Variants in ATG10 observed in about 807,000 individuals in gnomAD.
ATG10 encodes the protein autophagy related 10.
Under a neutral mutation model 32.1 loss-of-function variants are expected in ATG10, and 30 were observed. The ratio of observed to expected loss-of-function variants is 0.94; its 90% confidence interval spans 0.70 to 1.27. ATG10 has a LOEUF of 1.27. Among genes scored for constraint, ATG10 ranks in the 50% most tolerant of loss-of-function variants. The pLI is 0.00. For synonymous variants in ATG10, 87 were observed against 91.5 expected (o/e 0.95, Z 0.28); for missense variants, 233 against 262.3 (o/e 0.89, Z 0.77).
chr5:82,164,438 G>A lies in ATG10; in HGVS notation c.256G>A (p.Glu86Lys), dbSNP rs371715035. 8 of 1,613,732 alleles carry A rather than the reference G, an allele frequency of 5.0e-6. No homozygotes were observed. The highest frequency in any genetic ancestry group is 1.6e-4 in the Middle Eastern group (1 of 6,080). Reference sequence around the variant, plus strand: ...ACCCTTGGATGATTGTGAAGTGATTGAAACTGCAGCAGCGTCCGAAGTGAT... The same window carrying A: ...ACCCTTGGATGATTGTGAAGTGATTAAAACTGCAGCAGCGTCCGAAGTGAT... Reference protein sequence around the residue: ...ELPLDDCEVIETAAASEVIKY... With the variant: ...ELPLDDCEVIKTAAASEVIKY... The change falls in exon 4 of 8, where the codon GAA (glutamate) becomes AAA (lysine). Residue 86 changes from glutamate (E) to lysine (K), a missense_variant. Physicochemically the swap from Glu to Lys is moderately conservative, Grantham distance 56. Transcript: ENST00000282185.
chr5:82,156,250 T>A (rs901743279), intron 3 of ATG10, among the ~76,000 whole-genome samples: 3 of 152,032 alleles, frequency 2.0e-5, no homozygotes, highest in African/African-American at 7.3e-5. Context: ...GTTTCCTGAC[T>A]TTATAATTCC....
At chr5:82,149,603 T>C (rs1237106797) in intron 3 of ATG10, among the ~76,000 whole-genome samples, 2 of 55,592 alleles carry the variant, frequency 3.6e-5, no homozygotes, top group African/African-American at 1.3e-4. Context: ...TTCACTGTTT[T>C]GTTTATAAAT....
intron 2 of ATG10, among the ~76,000 whole-genome samples, chr5:82,034,511 G>A (rs1015288727): frequency 6.6e-6 from 1 of 152,134 alleles, no homozygotes; most frequent in Admixed American, 6.5e-5. Flanking sequence ...CTTTTAAAAT[G>A]TGAGTTCAGT....
intron 5 of ATG10, among the ~76,000 whole-genome samples, chr5:82,199,997 A>G (rs1745002652): frequency 6.6e-6 from 1 of 152,122 alleles, no homozygotes; most frequent in East Asian, 1.9e-4. Context: ...GTAGTATTCC[A>G]TTGTATGAAT....
intron 3 of ATG10, among the ~76,000 whole-genome samples, chr5:82,081,241 G>C (rs1194635783): frequency 6.6e-6 from 1 of 152,214 alleles, no homozygotes; most frequent in African/African-American, 2.4e-5. Context: ...TTGCTTATCA[G>C]CTTAAGGAGA....
At chr5:82,069,981 G>A (rs563256830) in intron 3 of ATG10, among the ~76,000 whole-genome samples, 96 of 152,318 alleles carry the variant, frequency 6.3e-4, no homozygotes, top group Middle Eastern at 3.4e-3. Context: ...TATGGTGCCT[G>A]CGAATTTGCT....
chr5:82,255,229 T>C lies in ATG10; in HGVS notation c.*1166T>C, dbSNP rs1747422128. 6.6e-6 allele frequency: 1 copy of C among 152,168 alleles called. No individual in the cohort carries two copies. Among genetic ancestry groups the C allele is most frequent in the Admixed American group, 6.6e-5 (1 of 15,266 alleles). The allele number at this position is 152,168 out of a possible 1,614,324, so 9.4% of individuals were successfully genotyped here. ...GAAACTAACAAGCTACCTCATAGGGTTGCTGTGAGAACCACATGAGATCAT... is the reference window on the plus strand; with the variant it reads ...GAAACTAACAAGCTACCTCATAGGGCTGCTGTGAGAACCACATGAGATCAT... On this transcript the variant is annotated 3_prime_UTR_variant, in exon 8 of 8. Transcript: ENST00000282185.
chr5:82,058,490 C>T lies in ATG10; in HGVS notation c.109-5C>T. 2 of 1,602,506 alleles carry T rather than the reference C, an allele frequency of 1.2e-6. No individual in the cohort carries two copies. Among genetic ancestry groups the T allele is most frequent in the Non-Finnish European group, 1.7e-6 (2 of 1,171,690 alleles). ...TCTTATATATTTTTTGGTGATGAAA[C>T]ACAGGACTGTTCTGATGGCTACATG... On this transcript the variant is annotated splice_region_variant and splice_polypyrimidine_tract_variant and intron_variant, in intron 2 of 7. Coordinates refer to ENST00000282185, the MANE Select transcript of ATG10 (RefSeq NM_031482.5).
At chr5:82,031,996 G>T (rs1762755092) in intron 2 of ATG10, among the ~76,000 whole-genome samples, 1 of 152,226 alleles carries the variant, frequency 6.6e-6, no homozygotes, top group Admixed American at 6.5e-5. Context: ...GCAGGGCTGG[G>T]CCTGCCCAGA....
chr5:82,049,059 A>C (rs1310915853), intron 2 of ATG10, among the ~76,000 whole-genome samples: 2 of 151,454 alleles, frequency 1.3e-5, no homozygotes, highest in African/African-American at 4.9e-5. Flanking sequence ...TATATACCCA[A>C]AGGACTATAA....
intron 1 of ATG10, among the ~76,000 whole-genome samples, chr5:81,978,490 T>A (rs1236907900): frequency 6.6e-6 from 1 of 152,210 alleles, no homozygotes. Flanking sequence ...TACTACCCAC[T>A]GTTCAAAGGC....
intron 3 of ATG10, among the ~76,000 whole-genome samples, chr5:82,122,573 C>G (rs1387888578): frequency 6.6e-6 from 1 of 152,304 alleles, no homozygotes; most frequent in East Asian, 1.9e-4. Context: ...AACAGACAAC[C>G]TACAGAATGG....
chr5:82,049,899 T>C (rs779145040), intron 2 of ATG10, among the ~76,000 whole-genome samples: 1 of 152,192 alleles, frequency 6.6e-6, no homozygotes, highest in Admixed American at 6.6e-5. Context: ...GAACTGTTAC[T>C]TTTTCTTTCA....
In ATG10 at chr5:81,972,038, C is replaced by G. The variant is rs576042909; in HGVS notation, c.-281C>G. 1.3e-5 allele frequency: 2 copies of G among 152,094 alleles called. No individual in the cohort carries two copies. Among genetic ancestry groups the G allele is most frequent in the East Asian group, 3.9e-4 (2 of 5,178 alleles). 9.4% of individuals were successfully genotyped at this position (152,094 alleles called of 1,614,324 possible). A position where few individuals can be genotyped will look rare whatever the true frequency, so the allele number is the denominator to read the frequency against. On this transcript the variant is annotated 5_prime_UTR_variant, in exon 1 of 8. Coordinates refer to ENST00000282185, the MANE Select transcript of ATG10 (RefSeq NM_031482.5). ...GCGGGAAGGCGCAGTGCGCACGCTC[C>G]GACTCGGCCGTGGCGGACCTGACTG...
rs12109056 is a variant in ATG10 at position 81,982,833 on chromosome 5, A to C, written c.-12-4726A>C. On this transcript the variant is annotated intron_variant, in intron 1 of 7. Transcript: ENST00000282185. ...ATCTTGCACCGCCCTTAATCCATTT[A>C]ACCCCGAGTGGACACAGCACATGTT... is the stretch of plus-strand genomic sequence containing the variant. Among the ~76,000 whole-genome samples, 995 of 152,346 alleles carry C rather than the reference A, an allele frequency of 6.5e-3. 9 individuals carry two copies. Among genetic ancestry groups the C allele is most frequent in the African/African-American group, 0.022 (935 of 41,570 alleles).
chr5:82,180,046 C>T (rs991674472), intron 5 of ATG10, among the ~76,000 whole-genome samples: 1 of 152,234 alleles, frequency 6.6e-6, no homozygotes, highest in East Asian at 1.9e-4. Context: ...TTCCTCTCTG[C>T]CCCTTACCTG....
intron 5 of ATG10, among the ~76,000 whole-genome samples, chr5:82,199,627 G>A (rs990918128): frequency 1.3e-5 from 2 of 152,040 alleles, no homozygotes; most frequent in Non-Finnish European, 2.9e-5. Context: ...AACTTGCTCC[G>A]GTTTATTCAT....
chr5:82,103,494 T>A (rs1765346011), intron 3 of ATG10, among the ~76,000 whole-genome samples: 1 of 152,118 alleles, frequency 6.6e-6, no homozygotes, highest in Non-Finnish European at 1.5e-5. Context: ...TTTCTACCAC[T>A]TACCTGGGGC....
At chr5:82,060,119 A>G (rs1763719722) in intron 3 of ATG10, among the ~76,000 whole-genome samples, 1 of 152,208 alleles carries the variant, frequency 6.6e-6, no homozygotes, top group African/African-American at 2.4e-5. Context: ...AGATGTGCAC[A>G]TACTATGAAT....
Sources: gnomAD v4.1 joint callset for allele counts (sites outside exome capture counted in the v4.1 genomes callset) on GRCh38, gnomAD v4.1.1 for gene constraint, MANE v1.5 for transcripts, NCBI Gene and HGNC (gene_info 2026-07-23, HGNC 2026-07-21) for gene names.